Variants in DPP6 observed in about 807,000 individuals in gnomAD.
The protein encoded by DPP6 is A-type potassium channel modulatory protein DPP6.
Under a neutral mutation model 122.6 loss-of-function variants are expected in DPP6, and 69 were observed. The observed-to-expected ratio is 0.56, with a 90% CI of 0.46 to 0.69. DPP6 has a LOEUF of 0.69. Among genes scored for constraint, DPP6 ranks in the 30% least tolerant of loss-of-function variants. DPP6 has a pLI of 0.00. For synonymous variants in DPP6, 418 were observed against 433.1 expected (o/e 0.97, Z 0.43); for missense variants, 928 against 1,116.9 (o/e 0.83, Z 2.41).
At chr7:154,684,057 TGGG>T in intron 7 of DPP6, among the ~76,000 whole-genome samples, 1 of 152,168 alleles carries the variant, frequency 6.6e-6, no homozygotes, top group East Asian at 1.9e-4. Context: ...TTTGTAGAGA[TGGG>T]GGTCTCACTG....
At chr7:154,791,667 A>G (rs1360885249) in intron 10 of DPP6, among the ~76,000 whole-genome samples, 2 of 152,134 alleles carry the variant, frequency 1.3e-5, no homozygotes, top group Non-Finnish European at 2.9e-5. Flanking sequence ...AACAAACCAC[A>G]CCAGAGTAAC....
intron 1 of DPP6, among the ~76,000 whole-genome samples, chr7:154,312,607 C>T (rs1410747237): frequency 2.0e-5 from 3 of 152,132 alleles, no homozygotes; most frequent in Non-Finnish European, 2.9e-5. Flanking sequence ...TCTGTATGTG[C>T]GCCCATGTAT....
intron 17 of DPP6, among the ~76,000 whole-genome samples, chr7:154,856,668 C>G (rs1484402170): frequency 6.6e-6 from 1 of 152,182 alleles, no homozygotes; most frequent in Admixed American, 6.5e-5. Context: ...CTACATTAAC[C>G]AATCAATCCA....
intron 5 of DPP6, among the ~76,000 whole-genome samples, chr7:154,574,800 GTTT>G (rs1831411923): frequency 1.1e-5 from 1 of 90,640 alleles, no homozygotes; most frequent in Non-Finnish European, 2.0e-5. Flanking sequence ...TGTGGTGTGT[GTTT>G]GTGTGTGTGA....
At chr7:154,685,152 GC>G (rs1839521809) in intron 7 of DPP6, among the ~76,000 whole-genome samples, 1 of 152,212 alleles carries the variant, frequency 6.6e-6, no homozygotes. Flanking sequence ...AGCCAGCATG[GC>G]AAGCAGCTGC....
intron 1 of DPP6, among the ~76,000 whole-genome samples, chr7:153,953,741 CAT>C (rs1802326982): frequency 1.3e-5 from 2 of 152,166 alleles, no homozygotes; most frequent in Non-Finnish European, 2.9e-5. Flanking sequence ...TAATAGGATG[CAT>C]GTGTGTGTAT....
chr7:154,508,866 T>C (rs1395485187), intron 3 of DPP6, among the ~76,000 whole-genome samples: 2 of 152,242 alleles, frequency 1.3e-5, no homozygotes, highest in Non-Finnish European at 2.9e-5. Flanking sequence ...AATCTGGTAA[T>C]GTGGCATAAA....
chr7:154,886,843 A>G (rs1806191486), intron 22 of DPP6, among the ~76,000 whole-genome samples: 1 of 152,230 alleles, frequency 6.6e-6, no homozygotes, highest in Admixed American at 6.5e-5. Flanking sequence ...TGGCTGGTGC[A>G]GCCAAGTCTC....
At position 154,210,836 on chromosome 7, in the gene DPP6, G is replaced by GAAA. The variant is rs34596484; in HGVS notation, c.243+157780_243+157782dup. Among the ~76,000 whole-genome samples, 328 of 150,078 alleles carry GAAA rather than the reference G, an allele frequency of 2.2e-3. 1 individual carries two copies. Among genetic ancestry groups the GAAA allele is most frequent in the Middle Eastern group, 0.014 (4 of 288 alleles). ...ATTATAGTGGTAATTGTGCAAAAAG[G>GAAA]AAAAAAAAAGACAAAAGAAAAAGGC... On this transcript the variant is annotated intron_variant, in intron 1 of 25. Coordinates refer to ENST00000377770, the MANE Select transcript of DPP6 (RefSeq NM_130797.4).
chr7:154,763,214 C>A (rs1237352791), intron 8 of DPP6, among the ~76,000 whole-genome samples: 1 of 152,130 alleles, frequency 6.6e-6, no homozygotes, highest in Non-Finnish European at 1.5e-5. Flanking sequence ...TGCCTGTAAT[C>A]CTAGCTACTC....
At chr7:154,203,812 T>G (rs1799295792) in intron 1 of DPP6, among the ~76,000 whole-genome samples, 1 of 152,206 alleles carries the variant, frequency 6.6e-6, no homozygotes, top group Non-Finnish European at 1.5e-5. Flanking sequence ...AGCTCACACC[T>G]GTAACCCCGT....
At chr7:154,159,224 T>G (rs532717084) in intron 1 of DPP6, among the ~76,000 whole-genome samples, 2 of 152,346 alleles carry the variant, frequency 1.3e-5, no homozygotes, top group African/African-American at 4.8e-5. Context: ...GGCACCTCTC[T>G]TGGCCTCTTC....
At chr7:154,645,465 C>T (rs960438267) in intron 6 of DPP6, among the ~76,000 whole-genome samples, 1 of 152,124 alleles carries the variant, frequency 6.6e-6, no homozygotes, top group South Asian at 2.1e-4. Context: ...CCCTTCCCCT[C>T]CTGTCCTCCT....
chr7:154,561,789 A>G (rs1442620823), intron 4 of DPP6, among the ~76,000 whole-genome samples: 2 of 152,148 alleles, frequency 1.3e-5, no homozygotes. Flanking sequence ...AGCAAAGATA[A>G]TGGAAAAAAA....
At chr7:154,544,912 C>T (rs954471592) in intron 4 of DPP6, among the ~76,000 whole-genome samples, 3 of 152,128 alleles carry the variant, frequency 2.0e-5, no homozygotes, top group East Asian at 1.9e-4. Flanking sequence ...AGGATGCTGC[C>T]GCATGTGGGC....
the DPP6 span, among the ~76,000 whole-genome samples, chr7:153,851,130 A>G: frequency 6.6e-6 from 1 of 152,206 alleles, no homozygotes; most frequent in Non-Finnish European, 1.5e-5. Flanking sequence ...TGAATAAACC[A>G]TATAACCTTA....
chr7:154,053,364 T>G (rs1291790770), intron 1 of DPP6, among the ~76,000 whole-genome samples: 1 of 152,150 alleles, frequency 6.6e-6, no homozygotes, highest in Non-Finnish European at 1.5e-5. Context: ...TGCGCGGATG[T>G]CTGTTTTTAA....
chr7:154,286,749 TG>T (rs1404968752), intron 1 of DPP6, among the ~76,000 whole-genome samples: 1 of 151,110 alleles, frequency 6.6e-6, no homozygotes, highest in Non-Finnish European at 1.5e-5. Flanking sequence ...CTGGCCTCCC[TG>T]GGGCCAGTAT....
the DPP6 span, among the ~76,000 whole-genome samples, chr7:153,772,400 T>G: frequency 6.6e-6 from 1 of 152,120 alleles, no homozygotes; most frequent in African/African-American, 2.4e-5. Context: ...ATAATGTTAT[T>G]TAAAGTTAGA....
Sources: gnomAD v4.1 joint callset for allele counts (sites outside exome capture counted in the v4.1 genomes callset) on GRCh38, gnomAD v4.1.1 for gene constraint, MANE v1.5 for transcripts, NCBI Gene and HGNC (gene_info 2026-07-23, HGNC 2026-07-21) for gene names.